The following ATP9A variants were observed in gnomAD, a reference collection of about 807,000 sequenced individuals.
ATP9A encodes the protein ATPase phospholipid transporting 9A.
ATP9A carries 52 observed loss-of-function variants against 144.1 expected under a neutral mutation model. The observed-to-expected ratio is 0.36, with a 90% confidence interval of 0.29 to 0.45. ATP9A has a LOEUF of 0.45. Among genes scored for constraint, ATP9A ranks in the 20% least tolerant of loss-of-function variants. ATP9A has a pLI of 1.00. For missense variants in ATP9A, 947 were observed against 1,392.7 expected (o/e 0.68, Z 5.09); for synonymous variants, 582 against 557.4 (o/e 1.04, Z -0.62).
At chr20:51,629,951 C>T (rs1823545595) in intron 15 of ATP9A, among the ~76,000 whole-genome samples, 2 of 152,234 alleles carry the variant, frequency 1.3e-5, no homozygotes, top group South Asian at 4.1e-4. Flanking sequence ...TTTCCCAAGT[C>T]CCCCAGCCAT....
intron 4 of ATP9A, among the ~76,000 whole-genome samples, chr20:51,706,227 G>T (rs143933798): frequency 6.6e-6 from 1 of 152,330 alleles, no homozygotes; most frequent in Non-Finnish European, 1.5e-5. Flanking sequence ...CAAAAGTGCT[G>T]AGCTCACCTC....
intron 14 of ATP9A, among the ~76,000 whole-genome samples, chr20:51,648,608 G>C (rs2077351607): frequency 2.6e-5 from 4 of 152,160 alleles, no homozygotes; most frequent in Admixed American, 2.6e-4. Context: ...AGGCAGGACA[G>C]TTGCTTGAGT....
At chr20:51,631,765 G>A (rs560031231) in intron 15 of ATP9A, among the ~76,000 whole-genome samples, 2 of 152,314 alleles carry the variant, frequency 1.3e-5, no homozygotes, top group South Asian at 4.1e-4. Context: ...ATCCAAACCC[G>A]TGGCTCCACG....
intron 1 of ATP9A, among the ~76,000 whole-genome samples, chr20:51,756,576 C>T (rs1167874576): frequency 6.6e-6 from 1 of 152,098 alleles, no homozygotes; most frequent in Non-Finnish European, 1.5e-5. Flanking sequence ...CAGGTGTGAG[C>T]CACCATGCCC....
intron 13 of ATP9A, among the ~76,000 whole-genome samples, chr20:51,663,083 T>C (rs1421868971): frequency 6.6e-6 from 1 of 151,974 alleles, no homozygotes; most frequent in Non-Finnish European, 1.5e-5. Context: ...AAAAAAAACA[T>C]TTTTAAAATA....
chr20:51,756,434 G>A (rs1383910567), intron 1 of ATP9A, among the ~76,000 whole-genome samples: 1 of 152,018 alleles, frequency 6.6e-6, no homozygotes, highest in Non-Finnish European at 1.5e-5. Context: ...GAGATTACAG[G>A]TGCACGCCAC....
intron 1 of ATP9A, among the ~76,000 whole-genome samples, chr20:51,752,269 T>C (rs1266123391): frequency 2.6e-5 from 4 of 152,150 alleles, no homozygotes; most frequent in Non-Finnish European, 5.9e-5. Context: ...TACCTAGTAT[T>C]GGACGATGCC....
At chr20:51,698,998 G>A (rs1281997151) in intron 4 of ATP9A, among the ~76,000 whole-genome samples, 1 of 152,116 alleles carries the variant, frequency 6.6e-6, no homozygotes, top group African/African-American at 2.4e-5. Flanking sequence ...CTGCTATCTT[G>A]TAACAAGCCC....
intron 27 of ATP9A, among the ~76,000 whole-genome samples, chr20:51,603,837 G>C (rs554779593): frequency 6.6e-6 from 1 of 152,244 alleles, no homozygotes; most frequent in Admixed American, 6.5e-5. Flanking sequence ...CTAGAGTGCA[G>C]TGGCGTGATC....
At chr20:51,688,779 C>A (rs2077534638) in intron 9 of ATP9A, among the ~76,000 whole-genome samples, 1 of 152,098 alleles carries the variant, frequency 6.6e-6, no homozygotes, top group Non-Finnish European at 1.5e-5. Context: ...GGCTGCCTCC[C>A]CCTCTGGTAC....
Position 51,625,336 on chromosome 20 carries a change from A to T in ATP9A, c.1872T>A (p.Ser624Arg). Residue 624 changes from serine (S) to arginine (R), a missense_variant, in exon 18 of 28, where the codon AGT becomes AGA. Coordinates refer to ENST00000338821, the MANE Select transcript of ATP9A (RefSeq NM_006045.3). ...CCACTTTGAGGGAGCGGTCGTGCAC[A>T]CTCAGCTTGGCCTGGACGTAGCGGG... Reference protein sequence around the residue: ...FEARYVQAKLSVHDRSLKVAT... With the variant: ...FEARYVQAKLRVHDRSLKVAT... 1 of 1,613,908 alleles carries T rather than the reference A, an allele frequency of 6.2e-7. No homozygotes were observed. The highest frequency in any genetic ancestry group is 8.5e-7 in the Non-Finnish European group (1 of 1,179,868).
chr20:51,698,920 A>AGAGAGAAT (rs1435164405), intron 4 of ATP9A, among the ~76,000 whole-genome samples: 1 of 152,222 alleles, frequency 6.6e-6, no homozygotes, highest in Non-Finnish European at 1.5e-5. Flanking sequence ...CCAGAGAGGA[A>AGAGAGAAT]GAGAGAATTT....
At chr20:51,615,085 G>T (rs2077198039) in intron 22 of ATP9A, among the ~76,000 whole-genome samples, 1 of 132,666 alleles carries the variant, frequency 7.5e-6, no homozygotes, top group South Asian at 2.7e-4. Context: ...GGGTGGGGGT[G>T]CCTGGGGGGG....
In ATP9A at chr20:51,607,558, G is replaced by A. The variant is rs1340755454; in HGVS notation, c.2772C>T (p.Phe924=). 6.2e-7 allele frequency: 1 copy of A among 1,613,490 alleles called. No homozygotes were observed. The highest frequency in any genetic ancestry group is 1.3e-5 in the African/African-American group (1 of 75,040). The change falls in exon 26 of 28, where the codon TTC becomes TTT. Residue 924 remains phenylalanine (F), a synonymous_variant. Coordinates refer to ENST00000338821, the MANE Select transcript of ATP9A (RefSeq NM_006045.3). The part of the protein sequence containing the change: ...LKGRPLSYKT[F]LIWVLISIYQ... Reference sequence around the variant, plus strand: ...AGATGCTAATCAAAACCCATATTAAGAATGTCTTGTAGGACAACGGCCGTC... The same window carrying A: ...AGATGCTAATCAAAACCCATATTAAAAATGTCTTGTAGGACAACGGCCGTC...
intron 16 of ATP9A, 77 bp from the exon 17 acceptor site, chr20:51,627,760 T>G: frequency 8.4e-7 from 1 of 1,188,320 alleles, no homozygotes; most frequent in Non-Finnish European, 1.2e-6. Context: ...AGTGCCCAAG[T>G]GGATGTGCCC....
At chr20:51,676,082 G>A (rs771609869) in intron 10 of ATP9A, 50 bp downstream of exon 10, 12 of 1,462,702 alleles carry the variant, frequency 8.2e-6, no homozygotes, top group Non-Finnish European at 1.1e-5. Flanking sequence ...TCACCCACCA[G>A]AACCAACCAG....
At chr20:51,699,237 G>T (rs998032411) in intron 4 of ATP9A, among the ~76,000 whole-genome samples, 1 of 150,278 alleles carries the variant, frequency 6.7e-6, no homozygotes, top group African/African-American at 2.5e-5. Context: ...AGCTACTGAG[G>T]CAGGAGAATC....
intron 11 of ATP9A, among the ~76,000 whole-genome samples, chr20:51,672,160 G>T (rs1016511376): frequency 6.6e-6 from 1 of 152,066 alleles, no homozygotes; most frequent in Non-Finnish European, 1.5e-5. Flanking sequence ...CTGACTTTTG[G>T]GGGGGCTTAT....
At chr20:51,694,856 G>GGTTT (rs540721277) in intron 6 of ATP9A, among the ~76,000 whole-genome samples, 19 of 152,038 alleles carry the variant, frequency 1.2e-4, no homozygotes, top group African/African-American at 4.6e-4. Flanking sequence ...TCATAATTTT[G>GGTTT]GTTTGTTTGT....
Sources: allele counts gnomAD v4.1 joint callset (sites outside exome capture counted in the v4.1 genomes callset), GRCh38; gene constraint gnomAD v4.1.1; transcripts MANE v1.5; gene names NCBI Gene and HGNC (gene_info 2026-07-23, HGNC 2026-07-21).